Variants in ABCG2 observed in about 807,000 individuals in gnomAD.
ABCG2 encodes the protein broad substrate specificity ATP-binding cassette transporter ABCG2.
Under a neutral mutation model 73.5 loss-of-function variants are expected in ABCG2, and 80 were observed. The observed-to-expected ratio is 1.09, with a 90% CI of 0.91 to 1.31. The LOEUF (loss-of-function observed/expected upper bound fraction) is 1.31. Among genes scored for constraint, ABCG2 ranks in the 50% most tolerant of loss-of-function variants. ABCG2 has a pLI of 0.00. For synonymous variants in ABCG2, 269 were observed against 282.4 expected (o/e 0.95, Z 0.48); for missense variants, 796 against 786.2 (o/e 1.01, Z -0.15).
At chr4:88,175,799 C>T (rs893168582) in intron 1 of ABCG2, among the ~76,000 whole-genome samples, 6 of 152,254 alleles carry the variant, frequency 3.9e-5, no homozygotes, top group Middle Eastern at 3.4e-3. Context: ...AGATCTGAAA[C>T]CAACCATTTA....
chr4:88,106,138 T>G (rs1722752181), intron 10 of ABCG2, among the ~76,000 whole-genome samples: 1 of 152,090 alleles, frequency 6.6e-6, no homozygotes, highest in African/African-American at 2.4e-5. Context: ...ATAGGGTTTT[T>G]TTTGTTTGTT....
chr4:88,161,268 C>T (rs1337938351), upstream of ABCG2, among the ~76,000 whole-genome samples: 138 of 120,626 alleles, frequency 1.1e-3, 1 homozygote, highest in African/African-American at 4.2e-3. Context: ...TGCGCTGCAC[C>T]CACTAACGTG....
At chr4:88,176,112 T>C (rs1727956479) in intron 1 of ABCG2, among the ~76,000 whole-genome samples, 3 of 152,194 alleles carry the variant, frequency 2.0e-5, no homozygotes, top group East Asian at 1.9e-4. Flanking sequence ...GTAAATGCTC[T>C]GTCTACAGAT....
At chr4:88,119,861 T>C (rs1000287313) in intron 6 of ABCG2, among the ~76,000 whole-genome samples, 4 of 152,134 alleles carry the variant, frequency 2.6e-5, no homozygotes, top group African/African-American at 9.7e-5. Flanking sequence ...AGCCTGATGA[T>C]GCGATAAAAA....
chr4:88,093,503 CAAAAAAAAAA>C lies in ABCG2; in HGVS notation c.1820+1064_1820+1073del, dbSNP rs10533191. Among the ~76,000 whole-genome samples the C allele has an allele frequency of 2.2e-3, 235 of 104,976 alleles. 2 individuals are homozygous for C. The highest frequency in any genetic ancestry group is 8.0e-3 in the African/African-American group (210 of 26,372). The allele number at this position is 104,976 out of a possible 152,430, so 68.9% of individuals were successfully genotyped here. ...TCGGTGACAGAGCGAGACTCCATTT[CAAAAAAAAAA>C]AAAAAAAAAAAGGAATATCTTCCTC... On this transcript the variant is annotated intron_variant, in intron 15 of 15. Coordinates refer to ENST00000237612, the MANE Select transcript of ABCG2 (RefSeq NM_004827.3).
intron 1 of ABCG2, among the ~76,000 whole-genome samples, chr4:88,218,893 G>T (rs1353265066): frequency 6.6e-6 from 1 of 152,156 alleles, no homozygotes; most frequent in African/African-American, 2.4e-5. Flanking sequence ...TTTTAGGCTT[G>T]TGGGCCATGC....
intron 1 of ABCG2, among the ~76,000 whole-genome samples, chr4:88,141,238 C>T (rs532615656): frequency 9.2e-5 from 14 of 152,196 alleles, no homozygotes; most frequent in African/African-American, 2.6e-4. Context: ...GCAACCAAAG[C>T]GGCCAGGACA....
chr4:88,223,040 T>A (rs1009658065), intron 1 of ABCG2, among the ~76,000 whole-genome samples: 1 of 152,238 alleles, frequency 6.6e-6, no homozygotes, highest in African/African-American at 2.4e-5. Context: ...AGCCCCTTCA[T>A]TGTGGCCAAT....
At chr4:88,162,083 A>G (rs1439253922), upstream of ABCG2, among the ~76,000 whole-genome samples, 1 of 152,150 alleles carries the variant, frequency 6.6e-6, no homozygotes, top group African/African-American at 2.4e-5. Flanking sequence ...GTGATGGCAC[A>G]TGCCTGTGGA....
At chr4:88,114,935 G>A (rs1320361393) in intron 8 of ABCG2, 22 bp downstream of exon 8, 3 of 1,539,116 alleles carry the variant, frequency 1.9e-6, no homozygotes, top group South Asian at 1.2e-5. Flanking sequence ...CAAAAATCTG[G>A]GACTGTAACA....
chr4:88,158,553 G>T lies in ABCG2; in HGVS notation c.-187C>A. 1 of 456,424 alleles carries T rather than the reference G, an allele frequency of 2.2e-6. No homozygotes were observed. The highest frequency in any genetic ancestry group is 4.4e-6 in the Non-Finnish European group (1 of 226,970). The allele number at this position is 456,424 out of a possible 1,614,324, so 28.3% of individuals were successfully genotyped here. On this transcript the variant is annotated 5_prime_UTR_variant, in exon 1 of 16. Transcript: ENST00000237612. ...CACTTAACAAGACCACCAAGCATGT[G>T]CACGGTGCGTTCCTAAATCCTACCC...
chr4:88,139,460 G>A (rs150685295), intron 2 of ABCG2, among the ~76,000 whole-genome samples: 10 of 152,058 alleles, frequency 6.6e-5, no homozygotes, highest in South Asian at 6.2e-4. Context: ...TCACTATGTC[G>A]GCCAGGATGT....
chr4:88,131,650 A>C (rs1724884302), intron 4 of ABCG2, among the ~76,000 whole-genome samples, 153 bp downstream of exon 4: 1 of 152,230 alleles, frequency 6.6e-6, no homozygotes, highest in Non-Finnish European at 1.5e-5. Context: ...TTTTCACATA[A>C]GTGTCTATGA....
intron 1 of ABCG2, among the ~76,000 whole-genome samples, chr4:88,197,152 A>G (rs781426043): frequency 6.6e-6 from 1 of 150,816 alleles, no homozygotes; most frequent in Non-Finnish European, 1.5e-5. Context: ...AGGCCTACCT[A>G]CTAGAGTTCT....
At chr4:88,224,542 A>G (rs1009173106) in intron 1 of ABCG2, among the ~76,000 whole-genome samples, 10 of 151,896 alleles carry the variant, frequency 6.6e-5, no homozygotes, top group Non-Finnish European at 1.5e-4. Flanking sequence ...CCCAGGCTGG[A>G]ATGCAGTGGC....
At chr4:88,202,350 T>TTTTATATA (rs1553945696) in intron 1 of ABCG2, among the ~76,000 whole-genome samples, 7 of 35,392 alleles carry the variant, frequency 2.0e-4, no homozygotes, top group African/African-American at 1.1e-3. Context: ...ATCTCTACAA[T>TTTTATATA]TATTTATATA....
chr4:88,182,664 G>A (rs1369306230), intron 1 of ABCG2, among the ~76,000 whole-genome samples: 1 of 152,144 alleles, frequency 6.6e-6, no homozygotes, highest in African/African-American at 2.4e-5. Flanking sequence ...GTGGGTCAAT[G>A]AAGAAACTAG....
intron 2 of ABCG2, among the ~76,000 whole-genome samples, chr4:88,137,486 CA>C (rs1207947571): frequency 6.6e-6 from 1 of 152,106 alleles, no homozygotes; most frequent in African/African-American, 2.4e-5. Context: ...TTAACATCAC[CA>C]GGGGTGGGAT....
intron 1 of ABCG2, among the ~76,000 whole-genome samples, chr4:88,143,126 C>T (rs750984874): frequency 5.3e-5 from 8 of 151,946 alleles, no homozygotes; most frequent in Non-Finnish European, 7.4e-5. Flanking sequence ...TGGAACAATG[C>T]GTGTACATTA....
Sources: gnomAD v4.1 joint callset for allele counts (sites outside exome capture counted in the v4.1 genomes callset) on GRCh38, gnomAD v4.1.1 for gene constraint, MANE v1.5 for transcripts, NCBI Gene and HGNC (gene_info 2026-07-23, HGNC 2026-07-21) for gene names.